Variants in GPC3 observed in about 807,000 individuals in gnomAD.
The protein encoded by GPC3 is glypican 3, also known as glypican-3.
GPC3 carries 3 observed loss-of-function variants against 34.4 expected under a neutral mutation model. That is an observed-to-expected ratio of 0.09 (90% CI 0.04 to 0.23). The LOEUF (loss-of-function observed/expected upper bound fraction) is 0.23, where lower values mean the gene tolerates loss of function less well. Ranked by LOEUF, GPC3 falls within the 10% of genes least tolerant of loss-of-function variation. GPC3 has a pLI of 1.00. For missense variants in GPC3, 351 were observed against 445.6 expected (o/e 0.79, Z 1.91); for synonymous variants, 177 against 174.0 (o/e 1.02, Z -0.13).
At chrX:133,866,609 T>C (rs1431123744) in intron 2 of GPC3, among the ~76,000 whole-genome samples, 2 of 112,369 alleles carry the variant, frequency 1.8e-5, no homozygotes, top group Non-Finnish European at 3.7e-5. Context: ...TCATTCATAA[T>C]ATTCTTAGCA....
intron 2 of GPC3, among the ~76,000 whole-genome samples, chrX:133,774,901 T>C (rs1210194171): frequency 1.8e-5 from 2 of 111,514 alleles, no homozygotes; most frequent in African/African-American, 6.5e-5. Flanking sequence ...AGGCAGTTTC[T>C]TTCTTGGTAG....
At chrX:133,794,310 AAC>A (rs1299619841) in intron 2 of GPC3, among the ~76,000 whole-genome samples, 1 of 111,817 alleles carries the variant, frequency 8.9e-6, no homozygotes, top group African/African-American at 3.2e-5. Context: ...AGAGCAATAA[AAC>A]ACAGAACAGA....
At chrX:133,645,084 T>C (rs957463323) in intron 6 of GPC3, among the ~76,000 whole-genome samples, 2 of 111,609 alleles carry the variant, frequency 1.8e-5, no homozygotes, top group Non-Finnish European at 3.8e-5. Context: ...CCTAGCTGGA[T>C]TCTTATTTTC....
At chrX:133,919,841 C>CA (rs35573322) in intron 2 of GPC3, among the ~76,000 whole-genome samples, 224 of 82,663 alleles carry the variant, frequency 2.7e-3, no homozygotes, top group South Asian at 3.6e-3. Context: ...GATCCTGTCT[C>CA]AAAAAAAAAA....
intron 2 of GPC3, among the ~76,000 whole-genome samples, chrX:133,857,859 T>C (rs1449242651): frequency 1.8e-5 from 2 of 112,389 alleles, no homozygotes; most frequent in East Asian, 5.6e-4. Flanking sequence ...TTGACAATTA[T>C]TCCTGAACAA....
intron 5 of GPC3, among the ~76,000 whole-genome samples, chrX:133,688,997 ATACAAG>A (rs763209955): frequency 2.6e-3 from 287 of 111,482 alleles, no homozygotes; most frequent in African/African-American, 8.8e-3. Context: ...TAGGTCAGTA[ATACAAG>A]TACAAGTTAA....
intron 2 of GPC3, among the ~76,000 whole-genome samples, chrX:133,801,678 G>C (rs1304685759): frequency 8.9e-6 from 1 of 112,038 alleles, no homozygotes; most frequent in Non-Finnish European, 1.9e-5. Context: ...TTAATTAAAA[G>C]GTCAAGAACA....
At chrX:133,619,591 T>C (rs1323401956) in intron 6 of GPC3, among the ~76,000 whole-genome samples, 2 of 111,601 alleles carry the variant, frequency 1.8e-5, no homozygotes, top group Non-Finnish European at 3.8e-5. Flanking sequence ...AAAAACTATA[T>C]ATGATATGAT....
chrX:133,539,565 A>G (rs1444809116), intron 7 of GPC3, among the ~76,000 whole-genome samples: 2 of 112,243 alleles, frequency 1.8e-5, no homozygotes, highest in African/African-American at 6.5e-5. Flanking sequence ...CCCTGAAGAA[A>G]TCAACAATGA....
Position 133,535,991 on chromosome X carries a change from C to T in GPC3, c.*133G>A. Reference sequence around the variant, plus strand: ...TCGAAAACATAACACATGGTTAGTCCTCTACTTCATGGCTGGAGGAGGTAT... The same window carrying T: ...TCGAAAACATAACACATGGTTAGTCTTCTACTTCATGGCTGGAGGAGGTAT... On this transcript the variant is annotated 3_prime_UTR_variant, in exon 8 of 8. Transcript: ENST00000370818. 1 of 491,994 alleles carries T rather than the reference C, an allele frequency of 2.0e-6. No homozygotes were observed. The allele number at this position is 491,994 out of a possible 1,213,427, so 40.5% of individuals were successfully genotyped here. A position where few individuals can be genotyped will look rare whatever the true frequency, so the allele number is the denominator to read the frequency against.
intron 6 of GPC3, among the ~76,000 whole-genome samples, chrX:133,603,238 A>AT (rs2070007501): frequency 9.2e-6 from 1 of 108,750 alleles, no homozygotes; most frequent in African/African-American, 3.3e-5. Flanking sequence ...ATCTGCATCT[A>AT]TTTTTTTTGA....
chrX:133,984,790 T>C (rs1349058179), intron 1 of GPC3, among the ~76,000 whole-genome samples: 1 of 88,411 alleles, frequency 1.1e-5, no homozygotes, highest in East Asian at 3.5e-4. Flanking sequence ...CTTGGGCCCG[T>C]GAGCTTAGGA....
intron 1 of GPC3, among the ~76,000 whole-genome samples, chrX:133,968,245 C>T (rs965002082): frequency 8.9e-5 from 10 of 112,561 alleles, no homozygotes; most frequent in African/African-American, 2.9e-4. Context: ...AACGTGGGGA[C>T]CACTCCATAC....
chrX:133,667,473 A>T (rs1229908342), intron 5 of GPC3, among the ~76,000 whole-genome samples: 3 of 111,551 alleles, frequency 2.7e-5, no homozygotes, highest in Non-Finnish European at 5.6e-5. Flanking sequence ...TATTTGGGGC[A>T]ATGTTCACAA....
intron 3 of GPC3, among the ~76,000 whole-genome samples, chrX:133,734,335 C>T (rs1332424450): frequency 9.0e-6 from 1 of 111,363 alleles, no homozygotes; most frequent in Admixed American, 9.6e-5. Context: ...TAAAATCCAA[C>T]ATGCTTTGAT....
At chrX:133,821,521 T>G (rs779857757) in intron 2 of GPC3, among the ~76,000 whole-genome samples, 1 of 112,010 alleles carries the variant, frequency 8.9e-6, no homozygotes, top group South Asian at 3.7e-4. Context: ...TTGATAGAGG[T>G]AAGCTGGGGC....
Position 133,911,996 on chromosome X carries a change from T to C in GPC3, c.337+41054A>G, listed in dbSNP as rs115588640. 2.9e-3 allele frequency among the ~76,000 whole-genome samples: 327 copies of C among 112,312 alleles called. 5 individuals are homozygous for C. Among genetic ancestry groups the C allele is most frequent in the African/African-American group, 0.01 (313 of 30,919 alleles). ...ACCCTCACTGATGGGCATTTGGGCC[T>C]TCCCTAATAATCTGTGGAAGTGGTT... On this transcript the variant is annotated intron_variant, in intron 2 of 7. Transcript: ENST00000370818.
At chrX:133,670,606 GA>G (rs1319856234) in intron 5 of GPC3, among the ~76,000 whole-genome samples, 2 of 111,900 alleles carry the variant, frequency 1.8e-5, no homozygotes, top group Non-Finnish European at 3.8e-5. Context: ...TTATGGACAC[GA>G]TTCAGTATTG....
At chrX:133,720,269 A>G (rs2071350560) in intron 3 of GPC3, among the ~76,000 whole-genome samples, 1 of 112,211 alleles carries the variant, frequency 8.9e-6, no homozygotes, top group African/African-American at 3.2e-5. Flanking sequence ...AAAAATATGG[A>G]ACCAACCTAA....
Sources: allele counts gnomAD v4.1 joint callset (sites outside exome capture counted in the v4.1 genomes callset), GRCh38; gene constraint gnomAD v4.1.1; transcripts MANE v1.5; gene names NCBI Gene and HGNC (gene_info 2026-07-23, HGNC 2026-07-21).